Variants in GRID2 observed in about 807,000 individuals in gnomAD.
The protein encoded by GRID2 is glutamate receptor ionotropic, delta-2.
GRID2 carries 33 observed loss-of-function variants against 114.8 expected under a neutral mutation model. That is an observed-to-expected ratio of 0.29 (90% confidence interval 0.22 to 0.38). The LOEUF (loss-of-function observed/expected upper bound fraction) is 0.38. GRID2 is among the 10% of genes least tolerant of loss of function. GRID2 has a pLI of 1.00. For missense variants in GRID2, 1,184 were observed against 1,257.7 expected (o/e 0.94, Z 0.89); for synonymous variants, 505 against 449.9 (o/e 1.12, Z -1.55).
chr4:92,881,642 TAAAAC>T (rs1343276012), intron 2 of GRID2, among the ~76,000 whole-genome samples: 1 of 152,228 alleles, frequency 6.6e-6, no homozygotes, highest in Non-Finnish European at 1.5e-5. Context: ...CAGTGCTTAA[TAAAAC>T]AACCATAATG....
intron 10 of GRID2, among the ~76,000 whole-genome samples, chr4:93,425,717 A>G (rs1349518956): frequency 6.6e-6 from 1 of 152,104 alleles, no homozygotes; most frequent in African/African-American, 2.4e-5. Context: ...AATTTCTGGC[A>G]ACCCTAGCTG....
At chr4:93,794,319 A>C (rs939509918) in intron 1 of GRID2, among the ~76,000 whole-genome samples, 2 of 152,204 alleles carry the variant, frequency 1.3e-5, no homozygotes, top group Admixed American at 1.3e-4. Context: ...TGCACTTTCC[A>C]AAGATTAATC....
chr4:93,070,307 C>T (rs1049409617), intron 2 of GRID2, among the ~76,000 whole-genome samples: 3 of 152,100 alleles, frequency 2.0e-5, no homozygotes, highest in Non-Finnish European at 4.4e-5. Flanking sequence ...ATGCACTGTT[C>T]CATAGCTTTG....
At chr4:93,307,081 A>G (rs1206715120) in intron 8 of GRID2, among the ~76,000 whole-genome samples, 1 of 152,126 alleles carries the variant, frequency 6.6e-6, no homozygotes, top group Non-Finnish European at 1.5e-5. Context: ...CTGTAATCCC[A>G]GCTACTTGGG....
chr4:92,598,303 T>G (rs951804285), intron 2 of GRID2, among the ~76,000 whole-genome samples: 3 of 152,188 alleles, frequency 2.0e-5, no homozygotes, highest in African/African-American at 4.8e-5. Flanking sequence ...CTCCATTGGC[T>G]GCCCTGTCGT....
intron 14 of GRID2, among the ~76,000 whole-genome samples, chr4:93,653,890 A>G (rs1722791646): frequency 6.6e-6 from 1 of 152,196 alleles, no homozygotes; most frequent in Non-Finnish European, 1.5e-5. Context: ...TGAGTCTCAC[A>G]CATGGGAAAA....
intron 13 of GRID2, among the ~76,000 whole-genome samples, chr4:93,580,348 G>T (rs1198240198): frequency 1.3e-5 from 2 of 152,156 alleles, no homozygotes; most frequent in Non-Finnish European, 2.9e-5. Flanking sequence ...ATAAAAGTAG[G>T]CAAGTGGGGA....
At chr4:92,309,925 GC>G (rs1425769442) in intron 1 of GRID2, among the ~76,000 whole-genome samples, 1 of 151,842 alleles carries the variant, frequency 6.6e-6, no homozygotes, top group Non-Finnish European at 1.5e-5. Context: ...TGGTAGCTCT[GC>G]TTACCTATGG....
chr4:92,779,939 GT>G (rs1014575147), intron 2 of GRID2, among the ~76,000 whole-genome samples: 5 of 152,114 alleles, frequency 3.3e-5, no homozygotes, highest in African/African-American at 7.2e-5. Context: ...TAATTAAGAT[GT>G]TTTAATCTTT....
chr4:92,608,118 G>C (rs1729548423), intron 2 of GRID2, among the ~76,000 whole-genome samples: 1 of 151,662 alleles, frequency 6.6e-6, no homozygotes, highest in African/African-American at 2.4e-5. Context: ...AAAATGGGAG[G>C]TAGGGGCTGG....
intron 2 of GRID2, among the ~76,000 whole-genome samples, chr4:92,883,799 TA>T (rs1578383474): frequency 6.6e-6 from 1 of 152,208 alleles, no homozygotes; most frequent in East Asian, 1.9e-4. Context: ...AACCATGCTA[TA>T]AATGGATGTG....
chr4:93,136,194 T>G (rs1735227135), intron 4 of GRID2, among the ~76,000 whole-genome samples: 1 of 152,156 alleles, frequency 6.6e-6, no homozygotes, highest in African/African-American at 2.4e-5. Context: ...TGTTCTTGTA[T>G]CTGCTAAACT....
intron 8 of GRID2, among the ~76,000 whole-genome samples, chr4:93,267,284 C>T (rs1176094087): frequency 6.6e-6 from 1 of 151,736 alleles, no homozygotes; most frequent in African/African-American, 2.4e-5. Context: ...TGCGCTGCAC[C>T]CACTAACTCT....
intron 12 of GRID2, among the ~76,000 whole-genome samples, chr4:93,503,914 G>A (rs1303491979): frequency 6.6e-6 from 1 of 152,066 alleles, no homozygotes; most frequent in Non-Finnish European, 1.5e-5. Flanking sequence ...GGAAAATGTT[G>A]AGTTATCAGT....
chr4:92,579,447 G>A (rs929097335), intron 1 of GRID2, among the ~76,000 whole-genome samples: 2 of 151,338 alleles, frequency 1.3e-5, no homozygotes, highest in African/African-American at 4.9e-5. Flanking sequence ...CAGTTTGAAG[G>A]CATTCACTGT....
intron 2 of GRID2, among the ~76,000 whole-genome samples, chr4:92,921,281 A>C (rs1024226602): frequency 6.6e-6 from 1 of 151,828 alleles, no homozygotes; most frequent in East Asian, 1.9e-4. Flanking sequence ...TAACTTCTTT[A>C]CCGTGGGTTC....
chr4:92,969,823 T>C (rs936256080), intron 2 of GRID2, among the ~76,000 whole-genome samples: 1 of 151,870 alleles, frequency 6.6e-6, no homozygotes, highest in African/African-American at 2.4e-5. Flanking sequence ...GAAAGAAATA[T>C]GGAGCGCCTG....
At chr4:93,708,856 A>G (rs1339520765) in intron 14 of GRID2, among the ~76,000 whole-genome samples, 1 of 150,144 alleles carries the variant, frequency 6.7e-6, no homozygotes, top group African/African-American at 2.5e-5. Context: ...TTTTTTCTGT[A>G]TCTGTTACAG....
intron 2 of GRID2, among the ~76,000 whole-genome samples, chr4:92,946,819 C>G (rs1479223983): frequency 6.6e-6 from 1 of 152,022 alleles, no homozygotes; most frequent in African/African-American, 2.4e-5. Flanking sequence ...CTTGTAATTT[C>G]TGATTCAATA....
Sources: allele counts gnomAD v4.1 joint callset (sites outside exome capture counted in the v4.1 genomes callset), GRCh38; gene constraint gnomAD v4.1.1; transcripts MANE v1.5; gene names NCBI Gene and HGNC (gene_info 2026-07-23, HGNC 2026-07-21).